The following ARNT2 variants were observed in gnomAD, a reference collection of about 807,000 sequenced individuals.
ARNT2 encodes the protein ARNT protein 2.
In ARNT2, 36 loss-of-function variants were observed where a neutral mutation model predicts 91.7. That is an observed-to-expected ratio of 0.39 (90% CI 0.30 to 0.52). ARNT2 has a LOEUF of 0.52. Among genes scored for constraint, ARNT2 ranks in the 20% least tolerant of loss-of-function variants. The pLI is 0.72. For missense variants in ARNT2, 775 were observed against 939.3 expected (o/e 0.83, Z 2.29); for synonymous variants, 365 against 347.1 (o/e 1.05, Z -0.57).
At chr15:80,562,871 A>G (rs1898392462) in intron 11 of ARNT2, 12 of 639,838 alleles carry the variant, frequency 1.9e-5, no homozygotes, top group Middle Eastern at 8.8e-4. Context: ...CCGTGGTTAC[A>G]GAATGACCCA....
At chr15:80,451,969 G>A (rs1212949142) in intron 2 of ARNT2, among the ~76,000 whole-genome samples, 2 of 152,208 alleles carry the variant, frequency 1.3e-5, no homozygotes, top group African/African-American at 4.8e-5. Context: ...GCAACTGTCT[G>A]GTTACAGCAG....
intron 5 of ARNT2, among the ~76,000 whole-genome samples, chr15:80,496,885 C>T (rs1161134136): frequency 6.6e-6 from 1 of 152,186 alleles, no homozygotes; most frequent in African/African-American, 2.4e-5. Context: ...AACTGGGCCA[C>T]TGTGCAGTCA....
chr15:80,570,575 C>T (rs1426360650), intron 12 of ARNT2, among the ~76,000 whole-genome samples: 1 of 152,078 alleles, frequency 6.6e-6, no homozygotes, highest in Non-Finnish European at 1.5e-5. Context: ...TTCTAGTGCT[C>T]CCACTTTGCT....
At chr15:80,584,723 G>C (rs572714429) in intron 17 of ARNT2, among the ~76,000 whole-genome samples, 34 of 152,338 alleles carry the variant, frequency 2.2e-4, no homozygotes, top group African/African-American at 8.2e-4. Flanking sequence ...GCAGCCCTGG[G>C]GCCTATTGGT....
intron 8 of ARNT2, among the ~76,000 whole-genome samples, chr15:80,546,318 G>A (rs1394929136): frequency 1.3e-5 from 2 of 152,158 alleles, no homozygotes; most frequent in African/African-American, 4.8e-5. Context: ...TGTTTCATAT[G>A]GAAAGGAGTG....
intron 4 of ARNT2, among the ~76,000 whole-genome samples, chr15:80,471,937 G>C (rs1896736380): frequency 2.0e-5 from 3 of 152,146 alleles, no homozygotes; most frequent in Admixed American, 6.6e-5. Flanking sequence ...CCTGTGTTCA[G>C]GGTCTTTGTA....
intron 1 of ARNT2, among the ~76,000 whole-genome samples, chr15:80,445,918 C>T (rs2141582517): frequency 6.6e-6 from 1 of 152,176 alleles, no homozygotes; most frequent in Admixed American, 6.5e-5. Flanking sequence ...TCTTGCACTC[C>T]TGTGAGTTAG....
intron 3 of ARNT2, among the ~76,000 whole-genome samples, chr15:80,462,614 G>A (rs1239305624): frequency 6.6e-6 from 1 of 152,160 alleles, no homozygotes; most frequent in Non-Finnish European, 1.5e-5. Context: ...TGTGGATTCA[G>A]CTCCAGTGCT....
intron 1 of ARNT2, among the ~76,000 whole-genome samples, chr15:80,440,225 A>T (rs764098495): frequency 1.3e-5 from 2 of 152,166 alleles, no homozygotes; most frequent in Non-Finnish European, 2.9e-5. Flanking sequence ...GTTTGACTCA[A>T]GCATGAGACA....
At chr15:80,547,217 G>A (rs75808834) in intron 8 of ARNT2, among the ~76,000 whole-genome samples, 1,835 of 152,248 alleles carry the variant, frequency 0.012, 22 homozygotes, top group East Asian at 0.04. Context: ...CAACATTTGC[G>A]CTGATGGCGT....
At chr15:80,446,697 A>G (rs1896310330) in intron 1 of ARNT2, among the ~76,000 whole-genome samples, 2 of 152,238 alleles carry the variant, frequency 1.3e-5, no homozygotes, top group African/African-American at 4.8e-5. Flanking sequence ...TTTACTTTAT[A>G]GGGTGGATGT....
Position 80,455,190 on chromosome 15 carries a change from TC to T in ARNT2, c.147-2737del, listed in dbSNP as rs1356228403. Among the ~76,000 whole-genome samples, 9 of 152,252 alleles carry T rather than the reference TC, an allele frequency of 5.9e-5. No individual in the cohort carries two copies. The East Asian group carries it at 1.7e-3, about 29-fold the overall frequency. On this transcript the variant is annotated intron_variant, in intron 2 of 18. Transcript: ENST00000303329. ...TCTTGGCAGGTGTGGCTCTAAAAGA[TC>T]CTTTGTGTCCTCCAGGGTTGCATTG...
chr15:80,426,084 G>GAAAAA (rs766038945), intron 1 of ARNT2, among the ~76,000 whole-genome samples: 38 of 152,078 alleles, frequency 2.5e-4, no homozygotes, highest in South Asian at 6.2e-4. Context: ...GAAAAGAAAA[G>GAAAAA]AAACTCTATA....
intron 1 of ARNT2, among the ~76,000 whole-genome samples, chr15:80,425,771 G>C (rs1895924509): frequency 6.6e-6 from 1 of 152,034 alleles, no homozygotes; most frequent in Non-Finnish European, 1.5e-5. Flanking sequence ...AAGGGGGCCA[G>C]GCATAGTAGC....
chr15:80,512,645 A>G (rs1897361415), intron 6 of ARNT2, among the ~76,000 whole-genome samples: 1 of 152,232 alleles, frequency 6.6e-6, no homozygotes, highest in Non-Finnish European at 1.5e-5. Context: ...CTTAGTAGAC[A>G]TTGAGTAGAG....
At chr15:80,494,691 C>A (rs1897102187) in intron 5 of ARNT2, among the ~76,000 whole-genome samples, 1 of 152,088 alleles carries the variant, frequency 6.6e-6, no homozygotes, top group Non-Finnish European at 1.5e-5. Flanking sequence ...AATGTGAATG[C>A]AGAAAAAGCT....
intron 5 of ARNT2, among the ~76,000 whole-genome samples, chr15:80,491,075 T>C (rs1337283607): frequency 4.0e-5 from 6 of 151,434 alleles, no homozygotes; most frequent in Admixed American, 3.9e-4. Flanking sequence ...GTAGGGGGAG[T>C]GAGGTCAAGA....
At chr15:80,510,016 T>C (rs1446611073) in intron 6 of ARNT2, among the ~76,000 whole-genome samples, 2 of 152,174 alleles carry the variant, frequency 1.3e-5, no homozygotes, top group Admixed American at 6.5e-5. Flanking sequence ...TACTAAAAAC[T>C]GCCCCGGTTT....
At position 80,404,522 on chromosome 15, in the gene ARNT2, ACCCC is replaced by A; in HGVS notation, c.8_11del (p.Thr3ArgfsTer17). On this transcript the variant is annotated frameshift_variant, in exon 1 of 19. Transcript: ENST00000303329. LOFTEE classifies it high-confidence loss of function. The surrounding 1 kb of genome is among the most constrained non-coding windows in gnomAD (Gnocchi z 5.5). ...CCTATCCTCTCCGAGCAAGATGGCA[ACCCC>A]GGCGGCGGTCAACCCTCCGGGTGAG... is the stretch of plus-strand genomic sequence containing the variant. 8.2e-7 allele frequency: 1 copy of A among 1,222,026 alleles called. No individual in the cohort carries two copies. Among genetic ancestry groups the A allele is most frequent in the Non-Finnish European group, 1.0e-6 (1 of 962,908 alleles). 75.7% of individuals were successfully genotyped at this position (1,222,026 alleles called of 1,614,324 possible).
Sources: gnomAD v4.1 joint callset for allele counts (sites outside exome capture counted in the v4.1 genomes callset) on GRCh38, gnomAD v4.1.1 for gene constraint, Gnocchi (gnomAD v3.1) non-coding constraint, MANE v1.5 for transcripts, NCBI Gene and HGNC (gene_info 2026-07-23, HGNC 2026-07-21) for gene names.